RIMS2: variants seen among roughly 807,000 people sequenced by gnomAD.
RIMS2 encodes regulating synaptic membrane exocytosis protein 2.
In RIMS2, 59 loss-of-function variants were observed where a neutral mutation model predicts 174.4. The observed-to-expected ratio is 0.34, with a 90% CI of 0.27 to 0.42. RIMS2 has a LOEUF of 0.42. RIMS2 is among the 10% of genes least tolerant of loss of function. RIMS2 has a pLI of 1.00. For synonymous variants in RIMS2, 606 were observed against 572.5 expected (o/e 1.06, Z -0.84); for missense variants, 1,620 against 1,666.3 (o/e 0.97, Z 0.48).
intron 1 of RIMS2, among the ~76,000 whole-genome samples, chr8:103,525,627 A>T (rs563943004): frequency 6.6e-6 from 1 of 152,358 alleles, no homozygotes; most frequent in East Asian, 1.9e-4. Flanking sequence ...GAGATATTAG[A>T]GGAGAATAGA....
At chr8:103,944,390 G>A (rs1159991876) in intron 14 of RIMS2, among the ~76,000 whole-genome samples, 1 of 151,958 alleles carries the variant, frequency 6.6e-6, no homozygotes, top group Admixed American at 6.6e-5. Flanking sequence ...GATTACTACT[G>A]TATGTACCAA....
chr8:103,757,511 G>A lies in RIMS2; in HGVS notation c.388-8716G>A, dbSNP rs537749853. ...TTTGGTTCACATTTTTAAAACGTAT[G>A]CATTCATTTCCACTTGTGCTATTGG... On this transcript the variant is annotated intron_variant, in intron 2 of 23. Transcript: ENST00000504942. Among the ~76,000 whole-genome samples the A allele has an allele frequency of 9.9e-5, 15 of 152,124 alleles. No homozygotes were observed. The South Asian group carries it at 2.9e-3, about 29-fold the overall frequency.
chr8:103,789,784 G>A (rs1194173308), intron 3 of RIMS2, among the ~76,000 whole-genome samples: 1 of 134,518 alleles, frequency 7.4e-6, no homozygotes, highest in Non-Finnish European at 1.6e-5. Flanking sequence ...GACAGGGTCA[G>A]GCTTTGTTGC....
intron 16 of RIMS2, among the ~76,000 whole-genome samples, chr8:103,983,991 G>C (rs925999606): frequency 5.9e-5 from 9 of 152,022 alleles, no homozygotes; most frequent in African/African-American, 1.7e-4. Context: ...GGCTAACACG[G>C]TGAAACCCCG....
chr8:103,708,595 C>T (rs1425812153), intron 2 of RIMS2, among the ~76,000 whole-genome samples: 3 of 152,122 alleles, frequency 2.0e-5, no homozygotes, highest in South Asian at 2.1e-4. Context: ...CATCTTGCTC[C>T]ACCTTCCCTA....
chr8:103,875,443 C>T (rs1259469087), intron 3 of RIMS2, among the ~76,000 whole-genome samples: 2 of 151,918 alleles, frequency 1.3e-5, no homozygotes, highest in African/African-American at 2.4e-5. Flanking sequence ...GAGATGATTT[C>T]CTTATATTTT....
intron 19 of RIMS2, among the ~76,000 whole-genome samples, chr8:104,234,768 C>T (rs1405248447): frequency 6.6e-6 from 1 of 152,094 alleles, no homozygotes; most frequent in African/African-American, 2.4e-5. Flanking sequence ...TACAGGAACC[C>T]ATAATGGGAA....
chr8:104,039,465 T>C (rs568545326), intron 19 of RIMS2, among the ~76,000 whole-genome samples: 4 of 151,836 alleles, frequency 2.6e-5, no homozygotes, highest in African/African-American at 9.6e-5. Flanking sequence ...AACCATTGCA[T>C]TGATGACACA....
intron 2 of RIMS2, among the ~76,000 whole-genome samples, chr8:103,745,962 A>G (rs556350612): frequency 6.6e-6 from 1 of 152,086 alleles, no homozygotes; most frequent in Non-Finnish European, 1.5e-5. Flanking sequence ...ATGAAGTCCA[A>G]TTTATCTATT....
At chr8:103,861,521 G>C (rs868053298) in intron 3 of RIMS2, among the ~76,000 whole-genome samples, 1 of 152,058 alleles carries the variant, frequency 6.6e-6, no homozygotes, top group Admixed American at 6.6e-5. Flanking sequence ...TGGGTTGATG[G>C]TAGTTCTTTT....
At chr8:104,171,598 T>C (rs913213139) in intron 19 of RIMS2, among the ~76,000 whole-genome samples, 4 of 152,122 alleles carry the variant, frequency 2.6e-5, no homozygotes, top group Non-Finnish European at 5.9e-5. Flanking sequence ...GTTATCTCTT[T>C]GAGTAGCTTA....
chr8:103,920,578 A>G, intron 9 of RIMS2: 2 of 447,118 alleles, frequency 4.5e-6, no homozygotes, highest in South Asian at 3.2e-5. Context: ...CTCTACTTTG[A>G]CATTTGGTCC....
At chr8:103,867,699 A>G (rs925401965) in intron 3 of RIMS2, among the ~76,000 whole-genome samples, 4 of 152,014 alleles carry the variant, frequency 2.6e-5, no homozygotes, top group Non-Finnish European at 2.9e-5. Context: ...CAAAGATAGC[A>G]TGTACTTCTA....
At chr8:104,048,170 A>G (rs2096725047) in intron 19 of RIMS2, among the ~76,000 whole-genome samples, 1 of 152,180 alleles carries the variant, frequency 6.6e-6, no homozygotes, top group South Asian at 2.1e-4. Context: ...CAAGTTGGGA[A>G]GATATTTGCT....
At chr8:103,841,319 T>A (rs1199288126) in intron 3 of RIMS2, among the ~76,000 whole-genome samples, 1 of 152,218 alleles carries the variant, frequency 6.6e-6, no homozygotes, top group African/African-American at 2.4e-5. Context: ...CTTTTTTTCT[T>A]ACTAGCTCAG....
intron 1 of RIMS2, among the ~76,000 whole-genome samples, chr8:103,571,864 G>A (rs925905126): frequency 2.0e-5 from 3 of 152,062 alleles, no homozygotes; most frequent in Non-Finnish European, 2.9e-5. Flanking sequence ...TCTGCAACTG[G>A]GAAAGACACA....
At chr8:104,037,226 G>A (rs1051837450) in intron 19 of RIMS2, among the ~76,000 whole-genome samples, 23 of 152,030 alleles carry the variant, frequency 1.5e-4, no homozygotes, top group African/African-American at 5.3e-4. Flanking sequence ...TCTTACTTAG[G>A]CTTATTTTTT....
intron 19 of RIMS2, among the ~76,000 whole-genome samples, chr8:104,234,429 A>G (rs1330167357): frequency 2.6e-5 from 4 of 152,096 alleles, no homozygotes; most frequent in Non-Finnish European, 5.9e-5. Context: ...TAAAAAAAAA[A>G]AAGCCAAGGA....
intron 2 of RIMS2, among the ~76,000 whole-genome samples, chr8:103,709,470 T>G (rs2097276396): frequency 6.6e-6 from 1 of 151,972 alleles, no homozygotes; most frequent in African/African-American, 2.4e-5. Context: ...CAGATGTAGT[T>G]AAGTTACATG....
Sources: allele counts gnomAD v4.1 joint callset (sites outside exome capture counted in the v4.1 genomes callset), GRCh38; gene constraint gnomAD v4.1.1; transcripts MANE v1.5; gene names NCBI Gene and HGNC (gene_info 2026-07-23, HGNC 2026-07-21).